Variants in ARHGEF28 observed in about 807,000 individuals in gnomAD.
The protein encoded by ARHGEF28 is Rho guanine nucleotide exchange factor 28, also known as 190 kDa guanine nucleotide exchange factor.
In ARHGEF28, 152 loss-of-function variants were observed where a neutral mutation model predicts 206.6. That is an observed-to-expected ratio of 0.74 (90% CI 0.64 to 0.84). ARHGEF28 has a LOEUF of 0.84. Ranked by LOEUF, ARHGEF28 falls within the 40% of genes least tolerant of loss-of-function variation. The probability of loss-of-function intolerance (pLI) is 0.00; values close to 1 mark genes in which losing one functional copy is unlikely to be tolerated. For missense variants in ARHGEF28, 2,028 were observed against 2,073.2 expected, an observed-to-expected ratio of 0.98 and a Z score of 0.42; for synonymous variants, 763 against 776.4, an observed-to-expected ratio of 0.98 and a Z score of 0.29.
In ARHGEF28 at chr5:73,904,397, A is replaced by C. The variant is rs376920806; in HGVS notation, c.4153A>C (p.Ser1385Arg). The change falls in exon 33 of 36, where the codon AGC (serine) becomes CGC (arginine). Residue 1385 changes from serine (S) to arginine (R), a missense_variant. By Grantham distance (110) the Ser-to-Arg change is moderately radical. Coordinates refer to ENST00000513042, the MANE Select transcript of ARHGEF28 (RefSeq NM_001177693.2). ...ACAGAATTTAACCCGTCTCTTATAC[A>C]GCCTTCAGGTAACTATCCTCCTCTA... Reference protein sequence around the residue: ...AIQNLTRLLYSLQAALTIQDS... With the variant: ...AIQNLTRLLYRLQAALTIQDS... 17 of 1,610,928 alleles carry C rather than the reference A, an allele frequency of 1.1e-5. No individual in the cohort carries two copies. Among genetic ancestry groups the C allele is most frequent in the Admixed American group, 1.7e-5 (1 of 59,930 alleles).
rs779841031 is a variant in ARHGEF28 at position 73,749,875 on chromosome 5, G to C, written c.72G>C (p.Val24=). The C allele has an allele frequency of 5.6e-6, 9 of 1,614,032 alleles. No individual in the cohort carries two copies. The highest frequency in any genetic ancestry group is 6.8e-6 in the Non-Finnish European group (8 of 1,179,896). The part of the protein sequence containing the change: ...MMIYAKFDKN[V]YLPEDAEFYF... ...TCTATGCGAAGTTTGACAAAAATGT[G>C]TATCTTCCTGAAGATGCTGAGTTTT... Residue 24 remains valine, a synonymous_variant, in exon 3 of 36, where the codon GTG becomes GTC. Transcript: ENST00000513042.
At chr5:73,816,839 T>C (rs1335682480) in intron 9 of ARHGEF28, among the ~76,000 whole-genome samples, 1 of 152,212 alleles carries the variant, frequency 6.6e-6, no homozygotes, top group Non-Finnish European at 1.5e-5. Context: ...GCTTGTTCCT[T>C]GCATAGGCAG....
At chr5:73,668,791 T>C (rs1235623123) in intron 1 of ARHGEF28, among the ~76,000 whole-genome samples, 2 of 88,212 alleles carry the variant, frequency 2.3e-5, no homozygotes, top group African/African-American at 8.5e-5. Flanking sequence ...AGGAAGATTT[T>C]TCAAGTGCCT....
intron 10 of ARHGEF28, among the ~76,000 whole-genome samples, chr5:73,839,532 G>A (rs1240886427): frequency 6.6e-6 from 1 of 152,084 alleles, no homozygotes; most frequent in Admixed American, 6.6e-5. Context: ...TTAAAAGTAC[G>A]CCTTTCTTAG....
intron 1 of ARHGEF28, among the ~76,000 whole-genome samples, chr5:73,642,403 A>G (rs962479507): frequency 1.3e-5 from 2 of 152,078 alleles, no homozygotes; most frequent in Non-Finnish European, 2.9e-5. Context: ...TGACTTCTCC[A>G]AGTTCATAGT....
At chr5:73,660,415 G>A (rs1477798580) in intron 1 of ARHGEF28, among the ~76,000 whole-genome samples, 2 of 152,110 alleles carry the variant, frequency 1.3e-5, no homozygotes, top group Middle Eastern at 3.4e-3. Context: ...CCTCATCCAC[G>A]TCATCCACGA....
intron 1 of ARHGEF28, among the ~76,000 whole-genome samples, chr5:73,657,679 A>AT (rs1405693932): frequency 6.6e-6 from 1 of 152,126 alleles, no homozygotes; most frequent in African/African-American, 2.4e-5. Context: ...TTATATGTTA[A>AT]TTTTTCAGTT....
Position 73,771,270 on chromosome 5 carries a change from C to T in ARHGEF28, c.476-2585C>T, listed in dbSNP as rs566433100. On this transcript the variant is annotated intron_variant, in intron 4 of 35. Transcript: ENST00000513042. ...TTAGAAATTCCATCCGGGCTGGGTG[C>T]GGTGGCTCATGCCTGTAATCCCAGC... is the stretch of plus-strand genomic sequence containing the variant. Among the ~76,000 whole-genome samples, 11 of 152,166 alleles carry T rather than the reference C, an allele frequency of 7.2e-5. No individual in the cohort carries two copies. In the South Asian group the frequency reaches 1.9e-3, roughly 26 times the overall value.
intron 1 of ARHGEF28, among the ~76,000 whole-genome samples, chr5:73,673,046 A>G (rs955993346): frequency 1.3e-5 from 2 of 152,112 alleles, no homozygotes; most frequent in East Asian, 3.8e-4. Flanking sequence ...AAATAATTCA[A>G]CCCTTTCACT....
chr5:73,691,412 G>A (rs1007616852), intron 2 of ARHGEF28, among the ~76,000 whole-genome samples: 37 of 152,024 alleles, frequency 2.4e-4, no homozygotes, highest in African/African-American at 7.0e-4. Flanking sequence ...TATAATTCCC[G>A]TTCCTGTACT....
At chr5:73,765,953 C>G (rs534433623) in intron 4 of ARHGEF28, among the ~76,000 whole-genome samples, 111 of 152,166 alleles carry the variant, frequency 7.3e-4, no homozygotes, top group African/African-American at 2.6e-3. Context: ...GAGATCGAGA[C>G]CATCTTGGCT....
At chr5:73,678,241 T>C (rs1321652263) in intron 1 of ARHGEF28, among the ~76,000 whole-genome samples, 3 of 152,226 alleles carry the variant, frequency 2.0e-5, no homozygotes, top group East Asian at 1.9e-4. Flanking sequence ...TGAAATTCTA[T>C]AGGGCTTTTA....
intron 7 of ARHGEF28, among the ~76,000 whole-genome samples, chr5:73,788,861 T>A (rs1378565703): frequency 6.6e-6 from 1 of 152,150 alleles, no homozygotes; most frequent in African/African-American, 2.4e-5. Flanking sequence ...GCAACCAAAT[T>A]TTGGGGCTGA....
At chr5:73,681,954 C>T (rs1440317056) in intron 1 of ARHGEF28, among the ~76,000 whole-genome samples, 1 of 152,114 alleles carries the variant, frequency 6.6e-6, no homozygotes, top group Non-Finnish European at 1.5e-5. Context: ...TACAACTTAG[C>T]ACGCCTATCA....
chr5:73,671,185 A>G (rs1483947738), intron 1 of ARHGEF28, among the ~76,000 whole-genome samples: 3 of 152,208 alleles, frequency 2.0e-5, no homozygotes, highest in African/African-American at 4.8e-5. Context: ...GCAATCCCAC[A>G]TAAGACTCTA....
At chr5:73,778,370 C>T (rs1753653766) in intron 6 of ARHGEF28, 1 of 152,196 alleles carries the variant, frequency 6.6e-6, no homozygotes, top group Admixed American at 6.5e-5. Flanking sequence ...TGAGATAATA[C>T]TGATGACCTT....
chr5:73,776,626 C>T lies in ARHGEF28; in HGVS notation c.770C>T (p.Ala257Val), dbSNP rs865941005. Residue 257 changes from alanine to valine, a missense_variant, in exon 6 of 36, where the codon GCC (alanine) becomes GTC (valine). Physicochemically the swap from Ala to Val is moderately conservative, Grantham distance 64. Transcript: ENST00000513042. ...ETLTLTLNHT[A>V]EHLLEADIKL... ...CTGACCCTGACCCTGAACCACACAG[C>T]CGAGCATTTGTTGGAGGCAGATATT... 1 of 1,613,870 alleles carries T rather than the reference C, an allele frequency of 6.2e-7. No individual in the cohort carries two copies. The highest frequency in any genetic ancestry group is 8.5e-7 in the Non-Finnish European group (1 of 1,179,768).
chr5:73,712,466 C>A (rs554456614), intron 2 of ARHGEF28, among the ~76,000 whole-genome samples: 1 of 152,282 alleles, frequency 6.6e-6, no homozygotes, highest in African/African-American at 2.4e-5. Flanking sequence ...TGGTAGAGTG[C>A]ATGCTTTCTT....
chr5:73,873,116 C>T lies in ARHGEF28; in HGVS notation c.2684C>T (p.Pro895Leu). ...LDHSTVDKIF[P>L]CLDELLEIHR... ...CACAGCACCGTGGATAAAATTTTCC[C>T]CTGTTTAGATGAGTTGCTTGAAATC... Residue 895 changes from proline to leucine, a missense_variant, in exon 22 of 36, where the codon CCC becomes CTC. Pro to Leu is a moderately conservative substitution (Grantham distance 98). Transcript: ENST00000513042. The T allele has an allele frequency of 6.2e-7, 1 of 1,613,012 alleles. No individual in the cohort carries two copies. Among genetic ancestry groups the T allele is most frequent in the South Asian group, 1.1e-5 (1 of 90,806 alleles).
Sources: gnomAD v4.1 joint callset for allele counts (sites outside exome capture counted in the v4.1 genomes callset) on GRCh38, gnomAD v4.1.1 for gene constraint, MANE v1.5 for transcripts, NCBI Gene and HGNC (gene_info 2026-07-23, HGNC 2026-07-21) for gene names.